The following AVPR1B variants were observed in gnomAD, a reference collection of about 807,000 sequenced individuals.
The protein encoded by AVPR1B is arginine vasopressin receptor 1B.
In AVPR1B, 25 loss-of-function variants were observed where a neutral mutation model predicts 27.5. That is an observed-to-expected ratio of 0.91 (90% CI 0.66 to 1.27). The LOEUF (loss-of-function observed/expected upper bound fraction) is 1.27. Ranked by LOEUF, AVPR1B falls within the 50% of genes most tolerant of loss-of-function variation. The pLI is 0.00. For synonymous variants in AVPR1B, 248 were observed against 240.2 expected (o/e 1.03, Z -0.30); for missense variants, 595 against 556.9 (o/e 1.07, Z -0.69).
At chr1:206,114,083 A>G (rs1663422601) in intron 1 of AVPR1B, among the ~76,000 whole-genome samples, 1 of 152,232 alleles carries the variant, frequency 6.6e-6, no homozygotes. Context: ...TTACTTTTGC[A>G]CGCCTCTTGC....
chr1:206,110,260 T>G lies in AVPR1B; in HGVS notation c.1204A>C (p.Arg402=). The change falls in exon 2 of 2, where the codon AGG becomes CGG. Residue 402 remains arginine, a synonymous_variant. Transcript: ENST00000367126. ...SLSLTLSGRP[R]PEESPRDLEL... ...AAGTCCCTTGGTGACTCTTCAGGCC[T>G]GGGCCTCCCACTGAGGGTTAGGCTG... The G allele has an allele frequency of 6.2e-7, 1 of 1,614,102 alleles. No individual in the cohort carries two copies. The highest frequency in any genetic ancestry group is 2.2e-5 in the East Asian group (1 of 44,872).
Position 206,117,057 on chromosome 1 carries a change from G to T in AVPR1B, c.-167C>A. 1.4e-6 allele frequency: 1 copy of T among 706,190 alleles called. No individual in the cohort carries two copies. 43.7% of individuals were successfully genotyped at this position (706,190 alleles called of 1,614,324 possible). ...GGAAATCGTTCAGAGGACTGGGATA[G>T]AGAGGAGGAGGGAGGATGAGATTCG... On this transcript the variant is annotated 5_prime_UTR_variant, in exon 1 of 2. Coordinates refer to ENST00000367126, the MANE Select transcript of AVPR1B (RefSeq NM_000707.5).
chr1:206,108,208 T>C lies in AVPR1B; in HGVS notation c.*1981A>G, dbSNP rs1553289250. 1.3e-5 allele frequency among the ~76,000 whole-genome samples: 2 copies of C among 152,196 alleles called. No homozygotes were observed. The highest frequency in any genetic ancestry group is 4.8e-5 in the African/African-American group (2 of 41,452). ...GGCATGGGAGGCTTCTAAGCCCACT[T>C]CACCAGGGCAGATAGACAGGGAAGA... On this transcript the variant is annotated 3_prime_UTR_variant, in exon 2 of 2. Transcript: ENST00000367126.
At position 206,117,219 on chromosome 1, in the gene AVPR1B, T is replaced by G; in HGVS notation, c.-329A>C. 2 of 287,244 alleles carry G rather than the reference T, an allele frequency of 7.0e-6. No homozygotes were observed. The highest frequency in any genetic ancestry group is 6.5e-6 in the Non-Finnish European group (1 of 153,690). 17.8% of individuals were successfully genotyped at this position (287,244 alleles called of 1,614,324 possible). The stretch of plus-strand genomic sequence containing the variant: ...GAGGGAAAGAAGGCTGGGGAGGGGC[T>G]ACCACCCTCCAATCCGCCTCAAATT... On this transcript the variant is annotated 5_prime_UTR_variant, in exon 1 of 2. Coordinates refer to ENST00000367126, the MANE Select transcript of AVPR1B (RefSeq NM_000707.5).
chr1:206,110,443 A>T lies in AVPR1B; in HGVS notation c.1021T>A (p.Phe341Ile). Residue 341 changes from phenylalanine to isoleucine, a missense_variant, in exon 2 of 2, where the codon TTC (phenylalanine) becomes ATC (isoleucine). Physicochemically the swap from Phe to Ile is conservative, Grantham distance 21. Coordinates refer to ENST00000367126, the MANE Select transcript of AVPR1B (RefSeq NM_000707.5). ...SCCNPWIYMGFNSHLLPRPLR... is the reference protein window; with the variant it reads ...SCCNPWIYMGINSHLLPRPLR... The stretch of plus-strand genomic sequence containing the variant: ...GGCCGCGGTAACAGGTGGCTGTTGA[A>T]GCCCATGTAGATCCAGGGGTTGCAG... The T allele has an allele frequency of 6.2e-7, 1 of 1,614,054 alleles. No homozygotes were observed. The highest frequency in any genetic ancestry group is 1.3e-5 in the African/African-American group (1 of 75,054).
rs1553290454 is a variant in AVPR1B at position 206,116,081 on chromosome 1, G to A, written c.810C>T (p.Asn270=). Residue 270 remains asparagine, a synonymous_variant, in exon 1 of 2, where the codon AAC becomes AAT. Coordinates refer to ENST00000367126, the MANE Select transcript of AVPR1B (RefSeq NM_000707.5). ...TTCGGATCTTGGCCCGTGAGATGGT[G>A]TTGATGCTGCTGACCCGAGATGGCA... ...RGLPSRVSSI[N]TISRAKIRTV... is the part of the protein sequence containing the mutation. 3.7e-6 allele frequency: 6 copies of A among 1,614,260 alleles called. No individual in the cohort carries two copies. Among genetic ancestry groups the A allele is most frequent in the Non-Finnish European group, 5.1e-6 (6 of 1,180,046 alleles).
In AVPR1B at chr1:206,116,293, G is replaced by T; in HGVS notation, c.598C>A (p.Leu200Ile). ...FGFPWGPRAY[L>I]TWTTLAIFVL... is the part of the protein sequence containing the mutation. ...AAGATAGCCAGGGTGGTCCAGGTGA[G>T]GTAGGCCCGTGGCCCCCAAGGGAAG... Residue 200 changes from leucine to isoleucine, a missense_variant, in exon 1 of 2, where the codon CTC becomes ATC. By Grantham distance (5) the Leu-to-Ile change is conservative. Transcript: ENST00000367126. 1.2e-6 allele frequency: 2 copies of T among 1,613,580 alleles called. No individual in the cohort carries two copies. Among genetic ancestry groups the T allele is most frequent in the Non-Finnish European group, 8.5e-7 (1 of 1,180,044 alleles).
At position 206,116,923 on chromosome 1, in the gene AVPR1B, G is replaced by C. The variant is rs2102340813; in HGVS notation, c.-33C>G. On this transcript the variant is annotated 5_prime_UTR_variant, in exon 1 of 2. Transcript: ENST00000367126. ...GTTTGCTGGGAGGGAAGGATGAAGGGAGGGTGTGGATGCAAGTGGAGAGGT... is the reference window on the plus strand; with the variant it reads ...GTTTGCTGGGAGGGAAGGATGAAGGCAGGGTGTGGATGCAAGTGGAGAGGT... 1 of 1,564,946 alleles carries C rather than the reference G, an allele frequency of 6.4e-7. No homozygotes were observed. Among genetic ancestry groups the C allele is most frequent in the Non-Finnish European group, 8.7e-7 (1 of 1,149,048 alleles).
Position 206,108,326 on chromosome 1 carries a change from G to T in AVPR1B, c.*1863C>A, listed in dbSNP as rs1663312112. Among the ~76,000 whole-genome samples the T allele has an allele frequency of 6.6e-6, 1 of 152,182 alleles. No homozygotes were observed. Among genetic ancestry groups the T allele is most frequent in the African/African-American group, 2.4e-5 (1 of 41,434 alleles). On this transcript the variant is annotated 3_prime_UTR_variant, in exon 2 of 2. Coordinates refer to ENST00000367126, the MANE Select transcript of AVPR1B (RefSeq NM_000707.5). Reference sequence around the variant, plus strand: ...TCTGCCTGAGCCTTGGTCCCATTAGGGTCTCACTCTCCAGTTCTCTAGCAC... The same window carrying T: ...TCTGCCTGAGCCTTGGTCCCATTAGTGTCTCACTCTCCAGTTCTCTAGCAC...
Position 206,116,174 on chromosome 1 carries a change from C to G in AVPR1B, c.717G>C (p.Val239=). Residue 239 remains valine (V), a synonymous_variant, in exon 1 of 2, where the codon GTG becomes GTC. Transcript: ENST00000367126. ...CCCAAGTCCTCCAGCCCCCTCCTCCCACCCGCCAGGCCTGTGTCTTGACTT... is the reference window on the plus strand; with the variant it reads ...CCCAAGTCCTCCAGCCCCCTCCTCCGACCCGCCAGGCCTGTGTCTTGACTT... ...NLKVKTQAWR[V]GGGGWRTWDR... is the part of the protein sequence containing the mutation. The G allele has an allele frequency of 6.2e-7, 1 of 1,614,010 alleles. No individual in the cohort carries two copies. The highest frequency in any genetic ancestry group is 1.1e-5 in the South Asian group (1 of 91,088).
rs782209731 is a variant in AVPR1B, at chr1:206,116,112, C to G, written c.779G>C (p.Arg260Pro). The G allele has an allele frequency of 1.5e-5, 24 of 1,614,218 alleles. 1 individual carries two copies. Among genetic ancestry groups the G allele is most frequent in the Middle Eastern group, 3.3e-4 (2 of 6,060 alleles). The change falls in exon 1 of 2, where the codon CGG (arginine) becomes CCG (proline). Residue 260 changes from arginine to proline, a missense_variant. Physicochemically the swap from Arg to Pro is moderately radical, Grantham distance 103. Coordinates refer to ENST00000367126, the MANE Select transcript of AVPR1B (RefSeq NM_000707.5). ...PSPSTLAATT[R>P]GLPSRVSSIN... The stretch of plus-strand genomic sequence containing the variant: ...GCTGCTGACCCGAGATGGCAGCCCC[C>G]GAGTGGTGGCAGCTAAGGTGGAAGG...
At chr1:206,111,139 G>A (rs781957874) in intron 1 of AVPR1B, among the ~76,000 whole-genome samples, 4 of 152,088 alleles carry the variant, frequency 2.6e-5, no homozygotes, top group Non-Finnish European at 5.9e-5. Flanking sequence ...CTGCCCTATC[G>A]ACACCTATGC....
At chr1:206,115,899 T>A (rs1241509355) in intron 1 of AVPR1B, 52 bp downstream of exon 1, 1 of 1,527,012 alleles carries the variant, frequency 6.5e-7, no homozygotes, top group African/African-American at 1.4e-5. Context: ...TAATCCCCCA[T>A]CCTCTCTTTC....
chr1:206,116,751 A>G lies in AVPR1B; in HGVS notation c.140T>C (p.Leu47Pro). 2 of 1,612,424 alleles carry G rather than the reference A, an allele frequency of 1.2e-6. No homozygotes were observed. Among genetic ancestry groups the G allele is most frequent in the Non-Finnish European group, 1.7e-6 (2 of 1,179,260 alleles). Residue 47 changes from leucine to proline, a missense_variant, in exon 1 of 2, where the codon CTG becomes CCG. Leu to Pro is a moderately conservative substitution (Grantham distance 98, BLOSUM62 -3). Transcript: ENST00000367126. ...CACAGCCAGGTTGCCCCCGGTCGCC[A>G]GCACCAGGACAGTGGCCAGGACTCC... ...EIGVLATVLV[L>P]ATGGNLAVLL...
intron 1 of AVPR1B, among the ~76,000 whole-genome samples, chr1:206,113,228 C>G (rs1456789642): frequency 6.6e-6 from 1 of 152,146 alleles, no homozygotes. Flanking sequence ...TGCTTCCCAG[C>G]CCTTGAGGGT....
At position 206,110,095 on chromosome 1, in the gene AVPR1B, A is replaced by T; in HGVS notation, c.*94T>A. 7.1e-7 allele frequency: 1 copy of T among 1,409,936 alleles called. No homozygotes were observed. Among genetic ancestry groups the T allele is most frequent in the Non-Finnish European group, 9.5e-7 (1 of 1,048,240 alleles). The allele number at this position is 1,409,936 out of a possible 1,614,324, so 87.3% of individuals were successfully genotyped here. ...TTTAGACAGGGCTCCTCTAACTCCA[A>T]CCCTTACCCTCCCAGCTCTCATTTC... On this transcript the variant is annotated 3_prime_UTR_variant, in exon 2 of 2. Transcript: ENST00000367126.
At position 206,117,315 on chromosome 1, in the gene AVPR1B, C is replaced by G. The variant is rs954467432; in HGVS notation, c.-425G>C. On this transcript the variant is annotated 5_prime_UTR_variant, in exon 1 of 2. Transcript: ENST00000367126. ...GCCTGCTTGGAGGCGCGGTCCGGGG[C>G]AGTCGGTGTCGCGCTCAGGGCAGGA... 7 of 162,786 alleles carry G rather than the reference C, an allele frequency of 4.3e-5. No individual in the cohort carries two copies. The highest frequency in any genetic ancestry group is 1.7e-4 in the African/African-American group (7 of 41,652). The allele number at this position is 162,786 out of a possible 1,614,324, so 10.1% of individuals were successfully genotyped here. A position where few individuals can be genotyped will look rare whatever the true frequency, so the allele number is the denominator to read the frequency against.
At position 206,110,135 on chromosome 1, in the gene AVPR1B, G is replaced by A; in HGVS notation, c.*54C>T. 1.3e-6 allele frequency: 2 copies of A among 1,528,146 alleles called. No individual in the cohort carries two copies. The highest frequency in any genetic ancestry group is 1.3e-5 in the South Asian group (1 of 78,430). The allele number at this position is 1,528,146 out of a possible 1,614,324, so 94.7% of individuals were successfully genotyped here. A position where few individuals can be genotyped will look rare whatever the true frequency, so the allele number is the denominator to read the frequency against. On this transcript the variant is annotated 3_prime_UTR_variant, in exon 2 of 2. Coordinates refer to ENST00000367126, the MANE Select transcript of AVPR1B (RefSeq NM_000707.5). ...GCTCTCATTTCCAGTGCCCGAGGTGGGCAGAGAACCTCCACTAGTCCTGGG... is the reference window on the plus strand; with the variant it reads ...GCTCTCATTTCCAGTGCCCGAGGTGAGCAGAGAACCTCCACTAGTCCTGGG...
Position 206,109,009 on chromosome 1 carries a change from C to T in AVPR1B, c.*1180G>A, listed in dbSNP as rs1175700251. Among the ~76,000 whole-genome samples the T allele has an allele frequency of 3.9e-5, 6 of 152,148 alleles. No individual in the cohort carries two copies. The highest frequency in any genetic ancestry group is 2.1e-4 in the South Asian group (1 of 4,818). ...TAAAAATGCAACAACTCTTCTAGACCCTGTTGGTTATAATATCCTTTGTGT... is the reference window on the plus strand; with the variant it reads ...TAAAAATGCAACAACTCTTCTAGACTCTGTTGGTTATAATATCCTTTGTGT... On this transcript the variant is annotated 3_prime_UTR_variant, in exon 2 of 2. Coordinates refer to ENST00000367126, the MANE Select transcript of AVPR1B (RefSeq NM_000707.5).
Sources: allele counts gnomAD v4.1 joint callset (sites outside exome capture counted in the v4.1 genomes callset), GRCh38; gene constraint gnomAD v4.1.1; transcripts MANE v1.5; gene names NCBI Gene and HGNC (gene_info 2026-07-23, HGNC 2026-07-21).